The following NDST3 variants were observed in gnomAD, a reference collection of about 807,000 sequenced individuals.
NDST3 encodes bifunctional heparan sulfate N-deacetylase/N-sulfotransferase 3.
NDST3 carries 58 observed loss-of-function variants against 96.1 expected under a neutral mutation model. The observed-to-expected ratio is 0.60, with a 90% confidence interval of 0.49 to 0.75. The LOEUF (loss-of-function observed/expected upper bound fraction) is 0.75. Among genes scored for constraint, NDST3 ranks in the 30% least tolerant of loss-of-function variants. The pLI is 0.00. For missense variants in NDST3, 788 were observed against 1,034.2 expected (o/e 0.76, Z 3.27); for synonymous variants, 333 against 359.7 (o/e 0.93, Z 0.84).
intron 5 of NDST3, among the ~76,000 whole-genome samples, chr4:118,140,565 A>G (rs34835262): frequency 0.069 from 10,439 of 152,210 alleles, 403 homozygotes; most frequent in Non-Finnish European, 0.093. Flanking sequence ...CCATTCTCAC[A>G]TTGCTATGAG....
chr4:118,130,034 G>T (rs1396876425), intron 4 of NDST3, among the ~76,000 whole-genome samples: 1 of 151,950 alleles, frequency 6.6e-6, no homozygotes, highest in African/African-American at 2.4e-5. Context: ...CAATTGGCAT[G>T]GAATATCTTT....
intron 2 of NDST3, among the ~76,000 whole-genome samples, chr4:118,083,330 C>T (rs1036365564): frequency 7.9e-5 from 12 of 151,972 alleles, no homozygotes; most frequent in East Asian, 1.9e-4. Context: ...TGTACTTAAT[C>T]GATGTGTAAC....
intron 2 of NDST3, among the ~76,000 whole-genome samples, chr4:118,062,340 C>T (rs1578556986): frequency 6.6e-6 from 1 of 152,186 alleles, no homozygotes; most frequent in East Asian, 1.9e-4. Flanking sequence ...GAAGATTGGT[C>T]CTCCCTGGAA....
rs1737540029 is a variant in NDST3 at position 118,194,571 on chromosome 4, ACAGC to A, written c.1540-29912_1540-29909del. 6.9e-6 allele frequency: 5 copies of A among 729,222 alleles called. No homozygotes were observed. The Admixed American group carries it at 8.7e-5, about 13-fold the overall frequency. The allele number at this position is 729,222 out of a possible 1,614,324, so 45.2% of individuals were successfully genotyped here. A position where few individuals can be genotyped will look rare whatever the true frequency, so the allele number is the denominator to read the frequency against. ...CTGGGGTCAAAGTTTGTGCCATCTA[ACAGC>A]CAGCCAGTGTAGTGGACAAAGATTC... On this transcript the variant is annotated intron_variant, in intron 6 of 13. Coordinates refer to ENST00000296499, the MANE Select transcript of NDST3 (RefSeq NM_004784.3).
chr4:118,186,245 T>G (rs1578784341), intron 6 of NDST3, among the ~76,000 whole-genome samples: 2 of 152,192 alleles, frequency 1.3e-5, no homozygotes, highest in East Asian at 3.9e-4. Flanking sequence ...ACAAACTCAG[T>G]CTAAAACAAT....
intron 3 of NDST3, among the ~76,000 whole-genome samples, chr4:118,108,702 T>C (rs1366282126): frequency 6.6e-6 from 1 of 152,196 alleles, no homozygotes; most frequent in Non-Finnish European, 1.5e-5. Flanking sequence ...TATTTTCCTA[T>C]TGTAAAATTG....
At chr4:118,149,746 T>C (rs1388838388) in intron 6 of NDST3, among the ~76,000 whole-genome samples, 1 of 150,598 alleles carries the variant, frequency 6.6e-6, no homozygotes, top group Admixed American at 6.6e-5. Context: ...ATACCCTTTA[T>C]TTCCTTCTCC....
At chr4:118,122,228 G>A (rs753435581) in intron 4 of NDST3, among the ~76,000 whole-genome samples, 23 of 152,158 alleles carry the variant, frequency 1.5e-4, no homozygotes, top group Non-Finnish European at 7.4e-5. Context: ...AGTCAGATGT[G>A]GGTATGAGGG....
At chr4:118,244,575 T>C (rs1741195409) in intron 12 of NDST3, among the ~76,000 whole-genome samples, 1 of 152,208 alleles carries the variant, frequency 6.6e-6, no homozygotes, top group African/African-American at 2.4e-5. Flanking sequence ...ATAAATCTAG[T>C]GCTTTGCATG....
At position 118,256,385 on chromosome 4, in the gene NDST3, C is replaced by T. The variant is rs1009597147; in HGVS notation, c.*673C>T. 6.6e-6 allele frequency: 1 copy of T among 152,114 alleles called. No homozygotes were observed. The highest frequency in any genetic ancestry group is 2.4e-5 in the African/African-American group (1 of 41,416). The allele number at this position is 152,114 out of a possible 1,614,324, so 9.4% of individuals were successfully genotyped here. A position where few individuals can be genotyped will look rare whatever the true frequency, so the allele number is the denominator to read the frequency against. On this transcript the variant is annotated 3_prime_UTR_variant, in exon 14 of 14. Transcript: ENST00000296499. ...TATATGTAAAAATTACTAACTCTTCCATCACAACGTAATTGTTATACTGAA... is the reference window on the plus strand; with the variant it reads ...TATATGTAAAAATTACTAACTCTTCTATCACAACGTAATTGTTATACTGAA...
At chr4:118,094,906 A>G (rs974033729) in intron 2 of NDST3, among the ~76,000 whole-genome samples, 1 of 151,898 alleles carries the variant, frequency 6.6e-6, no homozygotes, top group African/African-American at 2.4e-5. Context: ...TGATAGGCTG[A>G]GCATTTATTT....
intron 6 of NDST3, chr4:118,193,547 G>T: frequency 9.9e-7 from 1 of 1,009,678 alleles, no homozygotes; most frequent in Non-Finnish European, 1.6e-6. Context: ...AAACGTGTTG[G>T]CGTAGAGCGT....
At chr4:118,042,727 T>C (rs1724538150) in intron 1 of NDST3, among the ~76,000 whole-genome samples, 1 of 152,228 alleles carries the variant, frequency 6.6e-6, no homozygotes, top group South Asian at 2.1e-4. Flanking sequence ...AACCATTTCA[T>C]TTCTTCAACC....
intron 3 of NDST3, among the ~76,000 whole-genome samples, chr4:118,112,961 A>C (rs56683546): frequency 0.05 from 7,656 of 152,198 alleles, 648 homozygotes; most frequent in African/African-American, 0.17. Context: ...AGCACCTGTG[A>C]AAACTACCTT....
intron 6 of NDST3, among the ~76,000 whole-genome samples, chr4:118,187,175 C>T (rs146133983): frequency 9.2e-5 from 14 of 152,328 alleles, no homozygotes; most frequent in East Asian, 1.9e-4. Context: ...TATTCCTTCA[C>T]GTACAACTAG....
chr4:118,077,759 C>T (rs1258727250), intron 2 of NDST3, among the ~76,000 whole-genome samples: 16 of 152,194 alleles, frequency 1.1e-4, no homozygotes, highest in Non-Finnish European at 4.4e-5. Flanking sequence ...TCTCACTTGG[C>T]GATGAGCAGC....
intron 5 of NDST3, among the ~76,000 whole-genome samples, chr4:118,139,587 T>C (rs1010007325): frequency 1.3e-5 from 2 of 152,148 alleles, no homozygotes; most frequent in East Asian, 3.9e-4. Flanking sequence ...AGGGAGAGAA[T>C]GCATCTAGAA....
At chr4:118,048,293 C>A (rs1724883209) in intron 1 of NDST3, among the ~76,000 whole-genome samples, 1 of 152,080 alleles carries the variant, frequency 6.6e-6, no homozygotes, top group Non-Finnish European at 1.5e-5. Context: ...ACACAGCCTG[C>A]AGGCACTATA....
chr4:118,114,738 A>G (rs1730922159), intron 3 of NDST3, 68 bp from the exon 4 acceptor site: 1 of 1,483,074 alleles, frequency 6.7e-7, no homozygotes, highest in Non-Finnish European at 9.3e-7. Context: ...GATTAAATAG[A>G]TAAGTAGATT....
Sources: gnomAD v4.1 joint callset for allele counts (sites outside exome capture counted in the v4.1 genomes callset) on GRCh38, gnomAD v4.1.1 for gene constraint, MANE v1.5 for transcripts, NCBI Gene and HGNC (gene_info 2026-07-23, HGNC 2026-07-21) for gene names.